The following KCNG3 variants were observed in gnomAD, a reference collection of about 807,000 sequenced individuals.
KCNG3 encodes voltage-gated potassium channel regulatory subunit KCNG3.
Under a neutral mutation model 29.0 loss-of-function variants are expected in KCNG3, and 15 were observed. That is an observed-to-expected ratio of 0.52 (90% CI 0.35 to 0.80). The LOEUF is 0.80. KCNG3 is among the 30% of genes least tolerant of loss of function. The pLI, the probability that KCNG3 is intolerant of heterozygous loss-of-function variation, is 0.01. For synonymous variants in KCNG3, 322 were observed against 248.9 expected, an observed-to-expected ratio of 1.29 and a Z score of -2.76; for missense variants, 512 against 605.7, an observed-to-expected ratio of 0.85 and a Z score of 1.62.
chr2:42,455,095 G>C (rs1331339822), intron 1 of KCNG3, among the ~76,000 whole-genome samples: 1 of 152,176 alleles, frequency 6.6e-6, no homozygotes, highest in Non-Finnish European at 1.5e-5. Context: ...AGCAGTGATG[G>C]AATACAAATC....
intron 1 of KCNG3, among the ~76,000 whole-genome samples, chr2:42,488,904 T>C (rs1243576241): frequency 1.3e-5 from 2 of 151,648 alleles, no homozygotes; most frequent in African/African-American, 4.8e-5. Flanking sequence ...AGGTTATATT[T>C]TGAAATGTTA....
chr2:42,443,870 C>T lies in KCNG3; in HGVS notation c.*64G>A, dbSNP rs145651387. 57 of 1,467,224 alleles carry T rather than the reference C, an allele frequency of 3.9e-5. No individual in the cohort carries two copies. The highest frequency in any genetic ancestry group is 5.3e-5 in the Non-Finnish European group (57 of 1,079,866). The allele number at this position is 1,467,224 out of a possible 1,614,324, so 90.9% of individuals were successfully genotyped here. On this transcript the variant is annotated 3_prime_UTR_variant, in exon 2 of 2. Coordinates refer to ENST00000306078, the MANE Select transcript of KCNG3 (RefSeq NM_133329.6). ...TGCAGTGCTCACCCAGCAAGAAACA[C>T]ATAAATATGAAGCAGCATCAAAGTC...
At chr2:42,472,903 A>ATTTTT (rs1553330072) in intron 1 of KCNG3, among the ~76,000 whole-genome samples, 1 of 131,550 alleles carries the variant, frequency 7.6e-6, no homozygotes, top group African/African-American at 2.9e-5. Flanking sequence ...ATATATATAT[A>ATTTTT]TTTTTTTTTT....
the KCNG3 span, among the ~76,000 whole-genome samples, chr2:42,429,274 G>A: frequency 6.6e-6 from 1 of 152,022 alleles, no homozygotes; most frequent in Non-Finnish European, 1.5e-5. Flanking sequence ...TAGATACCAA[G>A]GTAGATGCTC....
At chr2:42,456,334 G>A (rs1422365950) in intron 1 of KCNG3, among the ~76,000 whole-genome samples, 2 of 152,012 alleles carry the variant, frequency 1.3e-5, no homozygotes, top group Admixed American at 6.6e-5. Flanking sequence ...TTCGAGTCCA[G>A]TCTGGGCAAC....
At chr2:42,429,860 G>C in the KCNG3 span, among the ~76,000 whole-genome samples, 4 of 152,176 alleles carry the variant, frequency 2.6e-5, no homozygotes, top group African/African-American at 7.2e-5. Context: ...ATGCGGGTGA[G>C]AGTGATGCCA....
chr2:42,469,089 C>A (rs944242011), intron 1 of KCNG3, among the ~76,000 whole-genome samples: 1 of 150,400 alleles, frequency 6.6e-6, no homozygotes, highest in Non-Finnish European at 1.5e-5. Flanking sequence ...TATATTATTT[C>A]AGTAATTAAG....
chr2:42,488,580 C>T (rs1673786583), intron 1 of KCNG3, among the ~76,000 whole-genome samples: 1 of 149,866 alleles, frequency 6.7e-6, no homozygotes, highest in African/African-American at 2.5e-5. Flanking sequence ...GACTCAGTCT[C>T]ACTTTATCGC....
the KCNG3 span, among the ~76,000 whole-genome samples, chr2:42,432,801 C>T: frequency 2.6e-5 from 4 of 151,996 alleles, no homozygotes; most frequent in African/African-American, 9.7e-5. Flanking sequence ...TCTATGGCTT[C>T]GACTTGGTAA....
the KCNG3 span, among the ~76,000 whole-genome samples, chr2:42,390,688 CT>C: frequency 6.6e-6 from 1 of 152,030 alleles, no homozygotes; most frequent in Admixed American, 6.5e-5. Context: ...AACTGTCAAA[CT>C]GAAAAAGTCT....
At chr2:42,417,829 G>A in the KCNG3 span, among the ~76,000 whole-genome samples, 32 of 151,852 alleles carry the variant, frequency 2.1e-4, no homozygotes, top group African/African-American at 5.6e-4. Flanking sequence ...AAAATTAACC[G>A]GGCTTGGTGG....
In KCNG3 at chr2:42,492,929, G is replaced by A; in HGVS notation, c.573C>T (p.Ser191=). ...CTGCGTTGCGCCAGTCGGGCAACGT[G>A]CTGGCGCACAGCACCACCATGGACA... The part of the protein sequence containing the change: ...VIVSMVVLCA[S]TLPDWRNAAA... Residue 191 remains serine, a synonymous_variant, in exon 1 of 2, where the codon AGC becomes AGT. Transcript: ENST00000306078. The A allele has an allele frequency of 6.3e-7, 1 of 1,589,062 alleles. No homozygotes were observed. Among genetic ancestry groups the A allele is most frequent in the Non-Finnish European group, 8.5e-7 (1 of 1,171,488 alleles).
chr2:42,413,215 G>A, the KCNG3 span, among the ~76,000 whole-genome samples: 1 of 152,122 alleles, frequency 6.6e-6, no homozygotes, highest in African/African-American at 2.4e-5. Context: ...ACATTGCCCA[G>A]GCTGGTCTCA....
chr2:42,393,590 A>G, the KCNG3 span, among the ~76,000 whole-genome samples: 1 of 151,906 alleles, frequency 6.6e-6, no homozygotes, highest in African/African-American at 2.4e-5. Flanking sequence ...GTCCAAACAT[A>G]AGAAGTTCAG....
chr2:42,465,947 T>C (rs781382560), intron 1 of KCNG3, among the ~76,000 whole-genome samples: 1 of 152,170 alleles, frequency 6.6e-6, no homozygotes, highest in Non-Finnish European at 1.5e-5. Flanking sequence ...ATAACAAAAA[T>C]TTGTAAAACC....
At chr2:42,429,903 C>A in the KCNG3 span, among the ~76,000 whole-genome samples, 1 of 152,170 alleles carries the variant, frequency 6.6e-6, no homozygotes, top group Admixed American at 6.5e-5. Context: ...GAGAACAGAG[C>A]CACCAGACTC....
the KCNG3 span, among the ~76,000 whole-genome samples, chr2:42,410,699 A>G: frequency 2.0e-5 from 3 of 151,976 alleles, no homozygotes; most frequent in Non-Finnish European, 4.4e-5. Context: ...TTAGTTTTTA[A>G]AAAACATTTT....
the KCNG3 span, among the ~76,000 whole-genome samples, chr2:42,400,783 G>A: frequency 6.6e-6 from 1 of 152,098 alleles, no homozygotes; most frequent in African/African-American, 2.4e-5. Context: ...GGAAAAAATG[G>A]GTTTTTTTTT....
At chr2:42,428,114 A>C in the KCNG3 span, among the ~76,000 whole-genome samples, 2 of 152,206 alleles carry the variant, frequency 1.3e-5, no homozygotes, top group African/African-American at 4.8e-5. Context: ...TCCTTAAAAT[A>C]GAAAGTATTC....
Sources: allele counts gnomAD v4.1 joint callset (sites outside exome capture counted in the v4.1 genomes callset), GRCh38; gene constraint gnomAD v4.1.1; transcripts MANE v1.5; gene names NCBI Gene and HGNC (gene_info 2026-07-23, HGNC 2026-07-21).